The following LOC112267897 variants were observed in gnomAD, a reference collection of about 807,000 sequenced individuals.
At chr13:63,747,231 G>A in the LOC112267897 span, 54 of 1,277,772 alleles carry the variant, frequency 4.2e-5, no homozygotes, top group Middle Eastern at 2.5e-4. Context: ...AAAATGACAC[G>A]GCTAAAGATA....
At chr13:63,746,921 AGCTGTGGCTATG>A in the LOC112267897 span, 714 of 1,429,746 alleles carry the variant, frequency 5.0e-4, 9 homozygotes, top group African/African-American at 7.3e-3. Context: ...AACTGGCTAC[AGCTGTGGCTATG>A]GCTGTGGCTA....
the LOC112267897 span, chr13:63,747,028 C>A: frequency 6.3e-7 from 1 of 1,580,822 alleles, no homozygotes; most frequent in Non-Finnish European, 8.7e-7. Flanking sequence ...GCTCTGGCTA[C>A]AGCTGTGGCT....
At chr13:63,747,749 G>C in the LOC112267897 span, 1 of 134,756 alleles carries the variant, frequency 7.4e-6, no homozygotes, top group Non-Finnish European at 1.5e-5. Flanking sequence ...TTCGTGCTAA[G>C]TGGTCTATAT....
the LOC112267897 span, chr13:63,747,795 T>A: frequency 3.8e-5 from 5 of 130,264 alleles, no homozygotes; most frequent in African/African-American, 1.9e-4. Context: ...TTATTATTAT[T>A]ATTATTTTAT....
the LOC112267897 span, chr13:63,746,881 C>T: frequency 7.0e-7 from 1 of 1,429,624 alleles, no homozygotes; most frequent in Non-Finnish European, 9.8e-7. Flanking sequence ...ATGGCTATGG[C>T]TATGGCTCCA....
the LOC112267897 span, chr13:63,746,985 G>A: frequency 6.9e-7 from 1 of 1,452,656 alleles, no homozygotes; most frequent in African/African-American, 1.4e-5. Flanking sequence ...AGCTATGGCT[G>A]TGGCTATGGA....
At chr13:63,747,077 G>A in the LOC112267897 span, 104 of 1,605,348 alleles carry the variant, frequency 6.5e-5, 1 homozygote, top group African/African-American at 8.2e-5. Flanking sequence ...AACTGGCTTC[G>A]GCTGTGGGTA....
chr13:63,747,851 A>G, the LOC112267897 span: 1 of 115,426 alleles, frequency 8.7e-6, no homozygotes, highest in Non-Finnish European at 1.6e-5. Context: ...AAGTTGAGAT[A>G]CACAAATATT....
At chr13:63,746,910 G>C in the LOC112267897 span, 2 of 1,450,550 alleles carry the variant, frequency 1.4e-6, no homozygotes, top group Admixed American at 1.7e-5. Context: ...TGTGGCTATG[G>C]AACTGGCTAC....
At chr13:63,746,928 G>A in the LOC112267897 span, 1 of 1,455,398 alleles carries the variant, frequency 6.9e-7, no homozygotes, top group East Asian at 2.3e-5. Flanking sequence ...TACAGCTGTG[G>A]CTATGGCTGT....
the LOC112267897 span, chr13:63,746,793 T>C: frequency 1.7e-5 from 19 of 1,131,886 alleles, 1 homozygote; most frequent in African/African-American, 2.9e-4. Flanking sequence ...TTCTCTCCTC[T>C]TGACAACATG....
chr13:63,747,572 C>T, the LOC112267897 span: 1 of 182,624 alleles, frequency 5.5e-6, no homozygotes, highest in East Asian at 1.3e-4. Flanking sequence ...TATCAGTAAG[C>T]TAAGTTTAAT....
the LOC112267897 span, chr13:63,747,395 C>T: frequency 5.0e-6 from 2 of 401,068 alleles, no homozygotes; most frequent in Non-Finnish European, 8.5e-6. Context: ...TTATCTTTTG[C>T]TCCCTTAATC....
chr13:63,747,367 C>G, the LOC112267897 span: 2 of 472,452 alleles, frequency 4.2e-6, no homozygotes, highest in Non-Finnish European at 7.1e-6. Context: ...ACGGTGTCAT[C>G]TGACTGTTTT....
the LOC112267897 span, chr13:63,747,674 C>A: frequency 9.3e-6 from 1 of 107,202 alleles, no homozygotes; most frequent in Non-Finnish European, 1.6e-5. Flanking sequence ...TATCCCAGGC[C>A]TTCACATTCA....
the LOC112267897 span, chr13:63,747,728 T>C: frequency 7.7e-6 from 1 of 130,144 alleles, no homozygotes. Flanking sequence ...TTTTCAGCCC[T>C]GTAAGTGCCA....
chr13:63,747,832 G>T, the LOC112267897 span: 1 of 121,800 alleles, frequency 8.2e-6, no homozygotes, highest in African/African-American at 4.4e-5. Flanking sequence ...ATCTTTTCTA[G>T]ATTTCAATAA....
chr13:63,746,940 G>A, the LOC112267897 span: 15 of 1,435,602 alleles, frequency 1.0e-5, no homozygotes, highest in South Asian at 1.6e-4. Flanking sequence ...TATGGCTGTG[G>A]CTATGGCTCT....
At chr13:63,747,037 C>T in the LOC112267897 span, 7 of 1,593,426 alleles carry the variant, frequency 4.4e-6, no homozygotes, top group Admixed American at 1.7e-5. Context: ...ACAGCTGTGG[C>T]TATGGCTCTG....
Sources: gnomAD v4.1 joint callset for allele counts on GRCh38, gnomAD v4.1.1 for gene constraint, MANE v1.5 for transcripts.